The following DUSP4 variants were observed in gnomAD, a reference collection of about 807,000 sequenced individuals.
DUSP4 encodes the protein dual specificity phosphatase 4, also known as dual specificity protein phosphatase 4.
In DUSP4, 12 loss-of-function variants were observed where a neutral mutation model predicts 27.2. The observed-to-expected ratio is 0.44, with a 90% CI of 0.28 to 0.71. DUSP4 has a LOEUF of 0.71. Ranked by LOEUF, DUSP4 falls within the 30% of genes least tolerant of loss-of-function variation. The probability of loss-of-function intolerance (pLI) is 0.14; values close to 1 mark genes in which losing one functional copy is unlikely to be tolerated. For synonymous variants in DUSP4, 257 were observed against 245.2 expected (o/e 1.05, Z -0.45); for missense variants, 448 against 551.3 (o/e 0.81, Z 1.88).
In DUSP4 at chr8:29,336,223, A is replaced by T. The variant is rs1323528252; in HGVS notation, c.*803T>A. The T allele has an allele frequency of 6.6e-6, 1 of 150,438 alleles. No individual in the cohort carries two copies. The highest frequency in any genetic ancestry group is 2.5e-5 in the African/African-American group (1 of 40,758). The allele number at this position is 150,438 out of a possible 1,614,324, so 9.3% of individuals were successfully genotyped here. A position where few individuals can be genotyped will look rare whatever the true frequency, so the allele number is the denominator to read the frequency against. On this transcript the variant is annotated 3_prime_UTR_variant, in exon 4 of 4. Transcript: ENST00000240100. ...GTCTTTTTCTTTTCTTTTTTTTTTA[A>T]AAAGCAATTCAAACCTAATTCTTCC...
At chr8:29,342,320 T>C (rs1817666790) in intron 1 of DUSP4, among the ~76,000 whole-genome samples, 1 of 152,146 alleles carries the variant, frequency 6.6e-6, no homozygotes, top group African/African-American at 2.4e-5. Context: ...CCTGAACCTC[T>C]CGGAGCCTCC....
intron 1 of DUSP4, chr8:29,348,776 C>T (rs944952471): frequency 1.0e-4 from 102 of 985,344 alleles, no homozygotes; most frequent in Non-Finnish European, 1.1e-4. Flanking sequence ...AGGAGCGGCT[C>T]TTTGATGGGT....
intron 3 of DUSP4, 35 bp downstream of exon 3, chr8:29,338,247 T>C: frequency 7.7e-7 from 1 of 1,304,378 alleles, no homozygotes; most frequent in Non-Finnish European, 1.1e-6. Context: ...CCACCCGCCC[T>C]CAAACCCAGG....
chr8:29,348,896 C>T, intron 1 of DUSP4: 1 of 575,968 alleles, frequency 1.7e-6, no homozygotes, highest in Non-Finnish European at 2.2e-6. Context: ...GCGGGGGGCG[C>T]CCGGACCCCA....
At chr8:29,349,537 T>C (rs1012207843) in intron 1 of DUSP4, among the ~76,000 whole-genome samples, 3 of 152,192 alleles carry the variant, frequency 2.0e-5, no homozygotes, top group Non-Finnish European at 1.5e-5. Context: ...GGACTCAAGA[T>C]GGACCGCGCA....
chr8:29,348,169 G>T (rs957280118), intron 1 of DUSP4: 1 of 985,582 alleles, frequency 1.0e-6, no homozygotes, highest in Non-Finnish European at 1.2e-6. Context: ...GCCAGCGAAG[G>T]AAGGCGCGCC....
At chr8:29,345,731 T>C in intron 1 of DUSP4, 6 of 1,359,808 alleles carry the variant, frequency 4.4e-6, no homozygotes, top group Middle Eastern at 2.7e-4. Flanking sequence ...CCCAAGGAAG[T>C]TGTGACGGTC....
rs1817563674 is a variant in DUSP4 at position 29,335,811 on chromosome 8, A to G, written c.*1215T>C. ...GGAGCACCTTAGTGTAATATGGCAT[A>G]TTGATCACAGACGATAGACAAGTCT... On this transcript the variant is annotated 3_prime_UTR_variant, in exon 4 of 4. Transcript: ENST00000240100. 1 of 152,254 alleles carries G rather than the reference A, an allele frequency of 6.6e-6. No individual in the cohort carries two copies. The highest frequency in any genetic ancestry group is 2.4e-5 in the African/African-American group (1 of 41,466). 9.4% of individuals were successfully genotyped at this position (152,254 alleles called of 1,614,324 possible).
In DUSP4 at chr8:29,345,322, A is replaced by G. The variant is rs377381647; in HGVS notation, c.433+4524T>C. The G allele has an allele frequency of 1.6e-5, 25 of 1,605,260 alleles. No homozygotes were observed. The African/African-American group carries it at 2.8e-4, about 18-fold the overall frequency. ...GTGACTGTTGACTTAGTAAGCACCT[A>G]TGTAAATGCTGAGCTGTATTTAAAA... is the stretch of plus-strand genomic sequence containing the variant. On this transcript the variant is annotated intron_variant, in intron 1 of 3. Transcript: ENST00000240100.
intron 1 of DUSP4, among the ~76,000 whole-genome samples, chr8:29,344,845 T>C (rs1242614628): frequency 4.7e-4 from 72 of 152,104 alleles, no homozygotes; most frequent in African/African-American, 1.7e-3. Context: ...TTTTTTTTTT[T>C]TTCCCCAGAC....
At chr8:29,345,806 A>C (rs1478448507) in intron 1 of DUSP4, 2 of 1,209,966 alleles carry the variant, frequency 1.7e-6, no homozygotes, top group East Asian at 9.0e-5. Context: ...TGTTAGTTGG[A>C]GACATCCAAT....
intron 1 of DUSP4, chr8:29,345,790 T>C (rs1817724985): frequency 8.0e-6 from 10 of 1,242,678 alleles, no homozygotes; most frequent in East Asian, 4.0e-5. Context: ...TGTCTTTAGT[T>C]ACTTTTGTTA....
At chr8:29,343,508 G>A (rs1034511723) in intron 1 of DUSP4, among the ~76,000 whole-genome samples, 3 of 152,218 alleles carry the variant, frequency 2.0e-5, no homozygotes, top group Non-Finnish European at 4.4e-5. Flanking sequence ...ATCTCTGGGT[G>A]TCAGTCTATG....
rs1400309714 is a variant in DUSP4, at chr8:29,335,370, C to T, written c.*1656G>A. The T allele has an allele frequency of 1.3e-5, 2 of 152,230 alleles. No homozygotes were observed. The highest frequency in any genetic ancestry group is 1.5e-5 in the Non-Finnish European group (1 of 68,046). The allele number at this position is 152,230 out of a possible 1,614,324, so 9.4% of individuals were successfully genotyped here. On this transcript the variant is annotated 3_prime_UTR_variant, in exon 4 of 4. Transcript: ENST00000240100. Reference sequence around the variant, plus strand: ...ACGTCACGGGAGCCAGCGGCCAGCCCCCTCACCAGCAGTCAGCCCCAACCC... The same window carrying T: ...ACGTCACGGGAGCCAGCGGCCAGCCTCCTCACCAGCAGTCAGCCCCAACCC...
Position 29,340,241 on chromosome 8 carries a change from C to T in DUSP4, c.436G>A (p.Gly146Ser), listed in dbSNP as rs1205702398. 4 of 1,608,620 alleles carry T rather than the reference C, an allele frequency of 2.5e-6. No homozygotes were observed. Among genetic ancestry groups the T allele is most frequent in the Non-Finnish European group, 3.4e-6 (4 of 1,177,506 alleles). ...TACTCGGAGGAAAACCTCTCATAGCCGCCTGTAAAGGAGAAAGAAGCTCAG... is the reference window on the plus strand; with the variant it reads ...TACTCGGAGGAAAACCTCTCATAGCTGCCTGTAAAGGAGAAAGAAGCTCAG... ...ERTDICLLKG[G>S]YERFSSEYPE... is the part of the protein sequence containing the mutation. The change falls in exon 2 of 4, where the codon GGC (glycine) becomes AGC (serine). Residue 146 changes from glycine (G) to serine (S), a missense_variant and splice_region_variant. This residue lies in a region of DUSP4 where 345 missense variants were observed against 394.0 expected (regional missense o/e 0.88). Transcript: ENST00000240100.
At chr8:29,346,035 C>T (rs188639403) in intron 1 of DUSP4, 372 of 985,270 alleles carry the variant, frequency 3.8e-4, no homozygotes, top group South Asian at 1.6e-3. Context: ...GATGCCATTG[C>T]CCTCCTGGGG....
chr8:29,349,439 G>T (rs1394044200), intron 1 of DUSP4, among the ~76,000 whole-genome samples: 1 of 152,164 alleles, frequency 6.6e-6, no homozygotes, highest in Admixed American at 6.5e-5. Context: ...GGATTCTCCC[G>T]GTCCGGCTCA....
At chr8:29,339,964 C>T in intron 2 of DUSP4, 134 bp downstream of exon 2, 2 of 1,214,820 alleles carry the variant, frequency 1.6e-6, no homozygotes, top group South Asian at 1.5e-5. Flanking sequence ...CACACCACTG[C>T]ACTCCTGGGT....
At position 29,350,593 on chromosome 8, in the gene DUSP4, G is replaced by A. The variant is rs1157903493; in HGVS notation, c.-315C>T. On this transcript the variant is annotated 5_prime_UTR_variant, in exon 1 of 4. Coordinates refer to ENST00000240100, the MANE Select transcript of DUSP4 (RefSeq NM_001394.7). ...ACTCTTTTCGGCGACGGCCTCCCGT[G>A]TATTTTTGCCGGTCGCGCGGCTCCT... The A allele has an allele frequency of 9.1e-6, 3 of 329,348 alleles. No homozygotes were observed. Among genetic ancestry groups the A allele is most frequent in the Non-Finnish European group, 1.6e-5 (3 of 182,426 alleles). The allele number at this position is 329,348 out of a possible 1,614,324, so 20.4% of individuals were successfully genotyped here.
Sources: allele counts gnomAD v4.1 joint callset (sites outside exome capture counted in the v4.1 genomes callset), GRCh38; gene constraint gnomAD v4.1.1; regional missense constraint gnomAD v4.1.1; transcripts MANE v1.5; gene names NCBI Gene and HGNC (gene_info 2026-07-23, HGNC 2026-07-21).